Variants in ERC2 observed in about 807,000 individuals in gnomAD.
The protein encoded by ERC2 is ELKS/RAB6-interacting/CAST family member 2.
ERC2 carries 42 observed loss-of-function variants against 114.8 expected under a neutral mutation model. The observed-to-expected ratio is 0.37, with a 90% CI of 0.29 to 0.47. The LOEUF is 0.47. ERC2 is among the 20% of genes least tolerant of loss of function. The pLI is 0.99. For synonymous variants in ERC2, 454 were observed against 425.5 expected, an observed-to-expected ratio of 1.07 and a Z score of -0.82; for missense variants, 939 against 1,150.7, an observed-to-expected ratio of 0.82 and a Z score of 2.66.
At chr3:56,094,484 G>A (rs1017806287) in intron 6 of ERC2, among the ~76,000 whole-genome samples, 1 of 152,114 alleles carries the variant, frequency 6.6e-6, no homozygotes, top group Non-Finnish European at 1.5e-5. Context: ...TTCATTTCTG[G>A]CTCTGCTAGG....
At chr3:55,893,725 T>C (rs894956528) in intron 13 of ERC2, among the ~76,000 whole-genome samples, 1 of 152,198 alleles carries the variant, frequency 6.6e-6, no homozygotes, top group African/African-American at 2.4e-5. Flanking sequence ...CCTAGAGCTC[T>C]ATTTTGGAAA....
chr3:56,039,701 C>CA (rs1257363381), intron 7 of ERC2, among the ~76,000 whole-genome samples: 2 of 152,010 alleles, frequency 1.3e-5, no homozygotes, highest in Non-Finnish European at 2.9e-5. Flanking sequence ...CAATCTTCAG[C>CA]AAAAAATGAA....
At chr3:55,755,209 T>C (rs1321559827) in intron 14 of ERC2, among the ~76,000 whole-genome samples, 1 of 152,150 alleles carries the variant, frequency 6.6e-6, no homozygotes, top group Non-Finnish European at 1.5e-5. Flanking sequence ...TCTGTAAATA[T>C]GGAAGCCTAG....
chr3:56,360,856 T>C (rs1317301042), intron 2 of ERC2, among the ~76,000 whole-genome samples: 1 of 152,068 alleles, frequency 6.6e-6, no homozygotes, highest in African/African-American at 2.4e-5. Context: ...TGCAGTGAGC[T>C]GAGATTGCAC....
intron 17 of ERC2, among the ~76,000 whole-genome samples, chr3:55,680,036 A>G (rs1324360945): frequency 6.6e-6 from 1 of 152,160 alleles, no homozygotes; most frequent in Non-Finnish European, 1.5e-5. Context: ...TTATTTGTAA[A>G]ACACCACTTC....
At chr3:55,774,997 A>G (rs2068487096) in intron 14 of ERC2, among the ~76,000 whole-genome samples, 1 of 152,174 alleles carries the variant, frequency 6.6e-6, no homozygotes, top group African/African-American at 2.4e-5. Flanking sequence ...TAACTAAAGA[A>G]CAAATTTTAA....
intron 12 of ERC2, among the ~76,000 whole-genome samples, chr3:55,977,210 G>C (rs187872664): frequency 6.6e-6 from 1 of 152,286 alleles, no homozygotes; most frequent in East Asian, 1.9e-4. Context: ...CAGGACAATT[G>C]TTCTTATAGT....
intron 14 of ERC2, among the ~76,000 whole-genome samples, chr3:55,756,776 C>G (rs1246654200): frequency 6.6e-6 from 1 of 152,112 alleles, no homozygotes; most frequent in East Asian, 1.9e-4. Flanking sequence ...TTTTTACCTC[C>G]TTAAATCTTT....
chr3:56,330,745 C>CA (rs372043288), intron 2 of ERC2, among the ~76,000 whole-genome samples: 59 of 151,558 alleles, frequency 3.9e-4, no homozygotes, highest in African/African-American at 1.3e-3. Flanking sequence ...TTCCAAAATC[C>CA]AAAAAAAATT....
chr3:56,336,380 A>G (rs1451820449), intron 2 of ERC2, among the ~76,000 whole-genome samples: 1 of 152,208 alleles, frequency 6.6e-6, no homozygotes, highest in Non-Finnish European at 1.5e-5. Context: ...ATCACACAGG[A>G]CCTTGCTGGG....
chr3:55,760,757 C>A (rs1395101110), intron 14 of ERC2, among the ~76,000 whole-genome samples: 8 of 152,152 alleles, frequency 5.3e-5, no homozygotes, highest in Admixed American at 5.2e-4. Flanking sequence ...ACAAATAACG[C>A]TCAGATAAAA....
At position 56,194,175 on chromosome 3, in the gene ERC2, A is replaced by C. The variant is rs78436851; in HGVS notation, c.1075-20655T>G. 3.5e-3 allele frequency among the ~76,000 whole-genome samples: 538 copies of C among 152,248 alleles called. 2 individuals are homozygous for C. Among genetic ancestry groups the C allele is most frequent in the African/African-American group, 0.013 (521 of 41,532 alleles). On this transcript the variant is annotated intron_variant, in intron 3 of 17. Transcript: ENST00000288221. Reference sequence around the variant, plus strand: ...GGTACTCATATAAAGATTTTTTTGAAGAGTGAAAGAATAGAACTAAAAAAC... The same window carrying C: ...GGTACTCATATAAAGATTTTTTTGACGAGTGAAAGAATAGAACTAAAAAAC...
intron 6 of ERC2, among the ~76,000 whole-genome samples, chr3:56,133,362 G>A (rs891970282): frequency 2.6e-5 from 4 of 152,012 alleles, no homozygotes; most frequent in African/African-American, 4.8e-5. Flanking sequence ...GCTTGAACCC[G>A]AGAGGCGGAG....
chr3:55,714,663 GTGTGTATA>G (rs1377191312), intron 15 of ERC2, among the ~76,000 whole-genome samples: 592 of 91,356 alleles, frequency 6.5e-3, no homozygotes, highest in Middle Eastern at 0.021. Context: ...GTGTGTGTGT[GTGTGTATA>G]TATATATATA....
At chr3:56,166,683 C>T (rs907940706) in intron 4 of ERC2, among the ~76,000 whole-genome samples, 5 of 151,908 alleles carry the variant, frequency 3.3e-5, no homozygotes, top group Non-Finnish European at 5.9e-5. Context: ...TTTATTATCA[C>T]AAAGTTGCTA....
chr3:56,046,240 C>T (rs1390307896), intron 7 of ERC2, among the ~76,000 whole-genome samples: 3 of 152,156 alleles, frequency 2.0e-5, no homozygotes, highest in Non-Finnish European at 2.9e-5. Flanking sequence ...ACAATGTTCT[C>T]CCTAAGTTTC....
intron 12 of ERC2, among the ~76,000 whole-genome samples, chr3:55,963,717 C>T (rs1245245403): frequency 2.0e-5 from 3 of 152,186 alleles, no homozygotes; most frequent in African/African-American, 7.2e-5. Context: ...GACACAGCCA[C>T]ATTAGGGCCA....
At chr3:56,371,722 TC>T (rs2059369771) in intron 2 of ERC2, among the ~76,000 whole-genome samples, 2 of 152,108 alleles carry the variant, frequency 1.3e-5, no homozygotes, top group African/African-American at 4.8e-5. Context: ...CCTATTAATA[TC>T]CCCTCCCTTG....
chr3:55,547,100 T>A (rs548793666), intron 17 of ERC2, among the ~76,000 whole-genome samples: 11 of 152,354 alleles, frequency 7.2e-5, no homozygotes, highest in African/African-American at 2.6e-4. Flanking sequence ...GTAGGGGCGT[T>A]AGCAAAGACA....
Sources: gnomAD v4.1 joint callset for allele counts (sites outside exome capture counted in the v4.1 genomes callset) on GRCh38, gnomAD v4.1.1 for gene constraint, MANE v1.5 for transcripts, NCBI Gene and HGNC (gene_info 2026-07-23, HGNC 2026-07-21) for gene names.